The following ADAM23 variants were observed in gnomAD, a reference collection of about 807,000 sequenced individuals.
ADAM23 encodes disintegrin and metalloproteinase domain-containing protein 23.
ADAM23 carries 33 observed loss-of-function variants against 120.1 expected under a neutral mutation model. The observed-to-expected ratio is 0.27, with a 90% CI of 0.21 to 0.37. The LOEUF (loss-of-function observed/expected upper bound fraction) is 0.37. ADAM23 is among the 10% of genes least tolerant of loss of function. ADAM23 has a pLI of 1.00. For synonymous variants in ADAM23, 367 were observed against 375.2 expected (o/e 0.98, Z 0.25); for missense variants, 862 against 1,058.2 (o/e 0.81, Z 2.57).
chr2:206,456,955 G>A (rs1446343657), intron 2 of ADAM23, among the ~76,000 whole-genome samples: 1 of 152,040 alleles, frequency 6.6e-6, no homozygotes, highest in Non-Finnish European at 1.5e-5. Flanking sequence ...TCACTTAGTC[G>A]GGTGCTTTGT....
intron 6 of ADAM23, among the ~76,000 whole-genome samples, chr2:206,546,281 AT>A (rs1308669848): frequency 6.6e-6 from 1 of 152,100 alleles, no homozygotes; most frequent in Non-Finnish European, 1.5e-5. Context: ...TGTTAATTTC[AT>A]TACTATCTTT....
At chr2:206,543,341 G>A (rs1411952264) in intron 6 of ADAM23, 25 bp downstream of exon 6, 1 of 1,597,130 alleles carries the variant, frequency 6.3e-7, no homozygotes, top group Non-Finnish European at 8.6e-7. Context: ...TCAGTTGCCT[G>A]ATGGCGTTCT....
intron 25 of ADAM23, among the ~76,000 whole-genome samples, chr2:206,613,007 A>T (rs987062744): frequency 3.3e-5 from 5 of 152,188 alleles, no homozygotes; most frequent in South Asian, 2.1e-4. Flanking sequence ...GTAGATTTTT[A>T]AAAAATATTG....
At chr2:206,516,311 A>G (rs1193847133) in intron 3 of ADAM23, among the ~76,000 whole-genome samples, 1 of 152,066 alleles carries the variant, frequency 6.6e-6, no homozygotes, top group Non-Finnish European at 1.5e-5. Flanking sequence ...AAAAATAAAG[A>G]TAATGTAAAT....
Position 206,589,530 on chromosome 2 carries a change from T to G in ADAM23, c.1958+16T>G. ...GCAGCAAACAGTGAGTGGTCAGCTCTAAGGGCATAGTCACTGGACTTGGAA... is the reference window on the plus strand; with the variant it reads ...GCAGCAAACAGTGAGTGGTCAGCTCGAAGGGCATAGTCACTGGACTTGGAA... On this transcript the variant is annotated intron_variant, in intron 21 of 25. Coordinates refer to ENST00000264377, the MANE Select transcript of ADAM23 (RefSeq NM_003812.4). The G allele has an allele frequency of 6.2e-7, 1 of 1,604,398 alleles. No individual in the cohort carries two copies. Among genetic ancestry groups the G allele is most frequent in the Non-Finnish European group, 8.5e-7 (1 of 1,174,010 alleles).
At chr2:206,584,310 A>G (rs745585370) in intron 18 of ADAM23, among the ~76,000 whole-genome samples, 1 of 152,182 alleles carries the variant, frequency 6.6e-6, no homozygotes, top group Non-Finnish European at 1.5e-5. Flanking sequence ...TGGTGGTCTA[A>G]TGATCTATTT....
chr2:206,573,316 A>G (rs542673889), intron 18 of ADAM23, 121 bp downstream of exon 18: 114 of 920,250 alleles, frequency 1.2e-4, no homozygotes, highest in African/African-American at 1.1e-3. Context: ...GAATATTTGC[A>G]TATTCATAAT....
At chr2:206,481,192 GA>G in intron 2 of ADAM23, 39 bp from the exon 3 acceptor site, 1 of 1,500,178 alleles carries the variant, frequency 6.7e-7, no homozygotes, top group Admixed American at 2.0e-5. Context: ...TTAAAGACAG[GA>G]AAGTAAGTTA....
rs137944479 is a variant in ADAM23 at position 206,559,966 on chromosome 2, G to A, written c.1017G>A (p.Glu339=). ...VVNLVDSIYK[E]QLNTRVVLVA... is the part of the protein sequence containing the mutation. The stretch of plus-strand genomic sequence containing the variant: ...TTGTATACCCTCAGATTTACAAGGA[G>A]CAGCTCAACACCAGGGTTGTCCTGG... Residue 339 remains glutamate, a synonymous_variant, in exon 11 of 26, where the codon GAG becomes GAA. Coordinates refer to ENST00000264377, the MANE Select transcript of ADAM23 (RefSeq NM_003812.4). 2 of 1,613,260 alleles carry A rather than the reference G, an allele frequency of 1.2e-6. No individual in the cohort carries two copies. The highest frequency in any genetic ancestry group is 1.7e-5 in the Admixed American group (1 of 59,926).
rs1698514703 is a variant in ADAM23, at chr2:206,595,848, TTTAA to T, written c.2248-197_2248-194del. The stretch of plus-strand genomic sequence containing the variant: ...GAATTTCTTCCTTTTACTCTTTTTC[TTTAA>T]TTAATGGGAAAAAATGTTACACAAT... On this transcript the variant is annotated intron_variant, in intron 23 of 25. Coordinates refer to ENST00000264377, the MANE Select transcript of ADAM23 (RefSeq NM_003812.4). Among the ~76,000 whole-genome samples, 3 of 152,192 alleles carry T rather than the reference TTTAA, an allele frequency of 2.0e-5. No individual in the cohort carries two copies. In the South Asian group the frequency reaches 6.2e-4, roughly 32 times the overall value.
rs1001294610 is a variant in ADAM23, at chr2:206,557,465, C to T, written c.972C>T (p.Asn324=). 6.2e-7 allele frequency: 1 copy of T among 1,613,870 alleles called. No homozygotes were observed. Among genetic ancestry groups the T allele is most frequent in the Non-Finnish European group, 8.5e-7 (1 of 1,179,870 alleles). ...KHRSSHAHTN[N]FAKSVVNLVD... ...GCTCTTCTCATGCACATACCAACAACTTTGCAAAGTCCGTGGTCAACCTTG... is the reference window on the plus strand; with the variant it reads ...GCTCTTCTCATGCACATACCAACAATTTTGCAAAGTCCGTGGTCAACCTTG... Residue 324 remains asparagine (N), a synonymous_variant, in exon 10 of 26, where the codon AAC becomes AAT. Coordinates refer to ENST00000264377, the MANE Select transcript of ADAM23 (RefSeq NM_003812.4).
chr2:206,594,333 A>G (rs1008735894), intron 22 of ADAM23, among the ~76,000 whole-genome samples: 1 of 152,134 alleles, frequency 6.6e-6, no homozygotes, highest in Non-Finnish European at 1.5e-5. Context: ...AATATTTTTC[A>G]TTTGCTGTTT....
chr2:206,482,808 C>T (rs1470207117), intron 3 of ADAM23, among the ~76,000 whole-genome samples: 2 of 152,096 alleles, frequency 1.3e-5, no homozygotes, highest in African/African-American at 4.8e-5. Flanking sequence ...AGCTCTCAGG[C>T]TGGAGGAGTG....
chr2:206,557,090 T>G (rs765349865), intron 9 of ADAM23, among the ~76,000 whole-genome samples: 7 of 150,702 alleles, frequency 4.6e-5, no homozygotes, highest in Non-Finnish European at 7.4e-5. Context: ...GGTTTTTTTG[T>G]TTTTTTTTGA....
At chr2:206,515,793 C>G (rs933630559) in intron 3 of ADAM23, among the ~76,000 whole-genome samples, 3 of 151,896 alleles carry the variant, frequency 2.0e-5, no homozygotes, top group Non-Finnish European at 4.4e-5. Context: ...GCCTTTTGTT[C>G]TCTCTGTGCT....
At chr2:206,535,221 G>A (rs952265087) in intron 4 of ADAM23, among the ~76,000 whole-genome samples, 4 of 152,122 alleles carry the variant, frequency 2.6e-5, no homozygotes, top group African/African-American at 9.7e-5. Context: ...TCAATTCTAT[G>A]TCACTCTCTC....
Position 206,477,082 on chromosome 2 carries a change from T to C in ADAM23, c.433-4150T>C, listed in dbSNP as rs143178261. 2.7e-3 allele frequency among the ~76,000 whole-genome samples: 418 copies of C among 152,268 alleles called. 2 individuals are homozygous for C. The highest frequency in any genetic ancestry group is 9.6e-3 in the African/African-American group (398 of 41,546). ...GAATATAAGTCCCAAGAAAACACAATAGTATCTATTGAGCCTATTTAATGT... is the reference window on the plus strand; with the variant it reads ...GAATATAAGTCCCAAGAAAACACAACAGTATCTATTGAGCCTATTTAATGT... On this transcript the variant is annotated intron_variant, in intron 2 of 25. Transcript: ENST00000264377.
rs544177896 is a variant in ADAM23, at chr2:206,539,263, T to C, written c.574-2789T>C. ...CCACTTATCAGATGCTCCATTTCTG[T>C]TGAATTTAATTAACTGACAGTTTTG... is the stretch of plus-strand genomic sequence containing the variant. On this transcript the variant is annotated intron_variant, in intron 4 of 25. Transcript: ENST00000264377. Among the ~76,000 whole-genome samples, 156 of 152,278 alleles carry C rather than the reference T, an allele frequency of 1.0e-3. 2 individuals are homozygous for C. Among genetic ancestry groups the C allele is most frequent in the Non-Finnish European group, 2.1e-4 (14 of 68,018 alleles).
intron 2 of ADAM23, among the ~76,000 whole-genome samples, chr2:206,477,155 G>A (rs1027107357): frequency 1.3e-5 from 2 of 152,074 alleles, no homozygotes; most frequent in Non-Finnish European, 2.9e-5. Context: ...TCATAACATT[G>A]CTTGATGATA....
Sources: allele counts gnomAD v4.1 joint callset (sites outside exome capture counted in the v4.1 genomes callset), GRCh38; gene constraint gnomAD v4.1.1; transcripts MANE v1.5; gene names NCBI Gene and HGNC (gene_info 2026-07-23, HGNC 2026-07-21).